The following CSMD3 variants were observed in gnomAD, a reference collection of about 807,000 sequenced individuals.
CSMD3 encodes CUB and Sushi multiple domains 3, also known as CUB and sushi domain-containing protein 3.
Under a neutral mutation model 435.2 loss-of-function variants are expected in CSMD3, and 177 were observed. The observed-to-expected ratio is 0.41, with a 90% confidence interval of 0.36 to 0.46. The LOEUF is 0.46. Ranked by LOEUF, CSMD3 falls within the 20% of genes least tolerant of loss-of-function variation. The pLI is 0.34. For missense variants in CSMD3, 4,265 were observed against 4,504.6 expected (o/e 0.95, Z 1.52); for synonymous variants, 1,656 against 1,520.5 (o/e 1.09, Z -2.07).
At chr8:112,864,397 C>T (rs1346965971) in intron 10 of CSMD3, among the ~76,000 whole-genome samples, 5 of 151,710 alleles carry the variant, frequency 3.3e-5, no homozygotes, top group South Asian at 2.1e-4. Flanking sequence ...TACAGGTGCC[C>T]GCCACCATGC....
chr8:112,625,153 T>C (rs532667367), intron 22 of CSMD3, among the ~76,000 whole-genome samples: 2 of 152,162 alleles, frequency 1.3e-5, no homozygotes, highest in African/African-American at 4.8e-5. Context: ...ATAGGAAATT[T>C]GGGATAAGGT....
chr8:112,902,624 A>G (rs2082136979), intron 10 of CSMD3, among the ~76,000 whole-genome samples: 1 of 151,216 alleles, frequency 6.6e-6, no homozygotes, highest in Admixed American at 6.6e-5. Flanking sequence ...CCTGGTCACT[A>G]TACGCACTGG....
At chr8:113,394,131 C>CT (rs2094472873) in intron 1 of CSMD3, among the ~76,000 whole-genome samples, 1 of 146,624 alleles carries the variant, frequency 6.8e-6, no homozygotes. Context: ...TAACTGGGTA[C>CT]TAAAAAAACT....
chr8:113,252,805 C>A (rs931892465), intron 3 of CSMD3, among the ~76,000 whole-genome samples: 2 of 151,978 alleles, frequency 1.3e-5, no homozygotes, highest in African/African-American at 4.8e-5. Flanking sequence ...AGTGGGTGGA[C>A]CAAATTAAGA....
chr8:113,361,954 T>C (rs1034967486), intron 1 of CSMD3, among the ~76,000 whole-genome samples: 12 of 152,134 alleles, frequency 7.9e-5, no homozygotes, highest in African/African-American at 2.2e-4. Context: ...ATTAGTCCAA[T>C]CTCAAAAGAA....
At chr8:112,367,946 T>TATA (rs1295625826) in intron 38 of CSMD3, among the ~76,000 whole-genome samples, 1 of 152,180 alleles carries the variant, frequency 6.6e-6, no homozygotes, top group Non-Finnish European at 1.5e-5. Context: ...ATAAGCACTT[T>TATA]ATTTATTTAA....
At chr8:112,529,799 A>G (rs1825345568) in intron 27 of CSMD3, among the ~76,000 whole-genome samples, 1 of 152,194 alleles carries the variant, frequency 6.6e-6, no homozygotes, top group South Asian at 2.1e-4. Context: ...TCAGAAAAAA[A>G]TAATTCAAAC....
intron 13 of CSMD3, among the ~76,000 whole-genome samples, chr8:112,797,291 G>T (rs113606694): frequency 0.019 from 2,928 of 151,894 alleles, 52 homozygotes; most frequent in Middle Eastern, 0.048. Flanking sequence ...TCAACTGAAG[G>T]TACCAAGTCT....
chr8:112,598,871 A>G (rs1366895538), intron 22 of CSMD3, among the ~76,000 whole-genome samples: 1 of 152,252 alleles, frequency 6.6e-6, no homozygotes, highest in Admixed American at 6.5e-5. Flanking sequence ...AATCAATTCA[A>G]GATGGATTAA....
At chr8:112,457,635 T>C (rs1816970610) in intron 32 of CSMD3, among the ~76,000 whole-genome samples, 1 of 151,932 alleles carries the variant, frequency 6.6e-6, no homozygotes, top group Non-Finnish European at 1.5e-5. Context: ...CAGAGTAAAG[T>C]TGAGGAATTT....
intron 59 of CSMD3, among the ~76,000 whole-genome samples, chr8:112,272,929 T>C (rs1162045088): frequency 1.3e-5 from 2 of 152,192 alleles, no homozygotes; most frequent in African/African-American, 2.4e-5. Context: ...TTTTTGCCTA[T>C]GAAGTACATA....
chr8:112,629,436 C>T (rs190743097), intron 22 of CSMD3, among the ~76,000 whole-genome samples: 1 of 152,190 alleles, frequency 6.6e-6, no homozygotes, highest in African/African-American at 2.4e-5. Flanking sequence ...AACCCATATT[C>T]TTACAGATTA....
Position 112,390,753 on chromosome 8 carries a change from T to C in CSMD3, c.5845A>G (p.Thr1949Ala). 6.2e-7 allele frequency: 1 copy of C among 1,613,308 alleles called. No individual in the cohort carries two copies. Among genetic ancestry groups the C allele is most frequent in the Non-Finnish European group, 8.5e-7 (1 of 1,179,318 alleles). Reference sequence around the variant, plus strand: ...TCAGGGTATCCAGGTGACAAAATAGTCCCTTTGCGCTTAGTTAAAATTCCA... The same window carrying C: ...TCAGGGTATCCAGGTGACAAAATAGCCCCTTTGCGCTTAGTTAAAATTCCA... ...CGGILTKRKG[T>A]ILSPGYPEPY... Residue 1949 changes from threonine (T) to alanine (A), a missense_variant, in exon 36 of 71, where the codon ACT becomes GCT. Around this residue, in one of 3 missense-constraint regions of CSMD3, gnomAD observed 3,255 missense variants for 3,380.2 expected, o/e 0.96. Coordinates refer to ENST00000297405, the MANE Select transcript of CSMD3 (RefSeq NM_198123.2).
At chr8:112,848,640 T>C (rs1377551359) in intron 11 of CSMD3, among the ~76,000 whole-genome samples, 2 of 152,028 alleles carry the variant, frequency 1.3e-5, no homozygotes, top group African/African-American at 4.8e-5. Context: ...ATGTACAAAG[T>C]GCTGTTTTAT....
At chr8:112,386,544 A>AC (rs1829969960) in intron 36 of CSMD3, among the ~76,000 whole-genome samples, 1 of 151,704 alleles carries the variant, frequency 6.6e-6, no homozygotes, top group Non-Finnish European at 1.5e-5. Flanking sequence ...GTCGCCCAGG[A>AC]TGGAGTGCAG....
At chr8:113,140,921 CAG>C (rs1432272857) in intron 4 of CSMD3, among the ~76,000 whole-genome samples, 5 of 150,718 alleles carry the variant, frequency 3.3e-5, no homozygotes, top group Admixed American at 3.3e-4. Context: ...AAATTAAAAA[CAG>C]AAAATCAATA....
intron 32 of CSMD3, among the ~76,000 whole-genome samples, chr8:112,461,073 T>G (rs2130677425): frequency 6.6e-6 from 1 of 152,258 alleles, no homozygotes; most frequent in South Asian, 2.1e-4. Context: ...AAGTAGGTAA[T>G]TAAATCATAT....
chr8:112,377,652 CTAAGAGGAA>C (rs1829069446), intron 38 of CSMD3, among the ~76,000 whole-genome samples: 1 of 151,960 alleles, frequency 6.6e-6, no homozygotes, highest in Non-Finnish European at 1.5e-5. Context: ...TATACCACAA[CTAAGAGGAA>C]TTTATTCCTG....
chr8:113,398,378 G>T (rs1450155062), intron 1 of CSMD3, among the ~76,000 whole-genome samples: 1 of 152,130 alleles, frequency 6.6e-6, no homozygotes, highest in African/African-American at 2.4e-5. Flanking sequence ...ACTGTCCTAT[G>T]TATCATTATT....
Sources: gnomAD v4.1 joint callset for allele counts (sites outside exome capture counted in the v4.1 genomes callset) on GRCh38, gnomAD v4.1.1 for gene constraint, gnomAD v4.1.1 regional missense constraint, MANE v1.5 for transcripts, NCBI Gene and HGNC (gene_info 2026-07-23, HGNC 2026-07-21) for gene names.